HYAL1: variants seen among roughly 807,000 people sequenced by gnomAD.
HYAL1 encodes hyaluronidase-1.
Under a neutral mutation model 28.8 loss-of-function variants are expected in HYAL1, and 21 were observed. The ratio of observed to expected loss-of-function variants is 0.73; its 90% CI spans 0.52 to 1.05. The LOEUF is 1.05. Ranked by LOEUF, HYAL1 falls within the 50% of genes least tolerant of loss-of-function variation. The pLI is 0.00. For missense variants in HYAL1, 491 were observed against 579.2 expected, an observed-to-expected ratio of 0.85 and a Z score of 1.56; for synonymous variants, 200 against 230.1, an observed-to-expected ratio of 0.87 and a Z score of 1.18.
chr3:50,301,690 C>T (rs112140578), intron 2 of HYAL1, among the ~76,000 whole-genome samples: 200 of 149,222 alleles, frequency 1.3e-3, no homozygotes, highest in African/African-American at 4.7e-3. Flanking sequence ...CGGTGGCTCA[C>T]GCCTGTAATC....
In HYAL1 at chr3:50,302,945, G is replaced by T; in HGVS notation, c.12C>A (p.His4Gln). The change falls in exon 2 of 4, where the codon CAC becomes CAA. Residue 4 changes from histidine (H) to glutamine (Q), a missense_variant. By Grantham distance (24) the His-to-Gln change is conservative. Coordinates refer to ENST00000395144, the MANE Select transcript of HYAL1 (RefSeq NM_033159.4). This position sits in a 1 kb window ranked among gnomAD's most constrained non-coding sequence, Gnocchi z 5.0. The stretch of plus-strand genomic sequence containing the variant: ...GGAAGAGGGCGCAGATGGGAAGCAG[G>T]TGGGCTGCCATGGCACGGGACTGGT... Reference protein sequence around the residue: MAAHLLPICALFLT... With the variant: MAAQLLPICALFLT... The T allele has an allele frequency of 6.4e-7, 1 of 1,570,250 alleles. No homozygotes were observed. The highest frequency in any genetic ancestry group is 1.3e-5 in the African/African-American group (1 of 74,106).
upstream of HYAL1, among the ~76,000 whole-genome samples, chr3:50,305,238 G>GT (rs782267132): frequency 4.4e-4 from 66 of 149,652 alleles, no homozygotes; most frequent in African/African-American, 7.3e-4. Flanking sequence ...ATGTACTTCT[G>GT]TTTTTTTTTT....
rs1553712587 is a variant in HYAL1, at chr3:50,300,762, TGTA to T, written c.1026_1028del (p.Thr343del). 6.2e-7 allele frequency: 1 copy of T among 1,614,034 alleles called. No homozygotes were observed. Among genetic ancestry groups the T allele is most frequent in the South Asian group, 1.1e-5 (1 of 91,056 alleles). On this transcript the variant is annotated inframe_deletion, in exon 4 of 4. Transcript: ENST00000395144. ...TCACGTTCAGGATGAAGGGCCCCAG[TGTA>T]GTGTCCATATACTCCTTGATGGCCT... is the stretch of plus-strand genomic sequence containing the variant.
Position 50,302,451 on chromosome 3 carries a change from G to A in HYAL1, c.506C>T (p.Ala169Val), listed in dbSNP as rs782246036. The A allele has an allele frequency of 6.2e-7, 1 of 1,613,988 alleles. No homozygotes were observed. Among genetic ancestry groups the A allele is most frequent in the South Asian group, 1.1e-5 (1 of 91,090 alleles). The part of the protein sequence containing the change: ...HPDWPAPQVE[A>V]VAQDQFQGAA... ...TCCCTGGAACTGGTCCTGGGCTACT[G>A]CCTCCACCTGAGGAGCTGGCCAATC... The change falls in exon 2 of 4, where the codon GCA (alanine) becomes GTA (valine). Residue 169 changes from alanine (A) to valine (V), a missense_variant. Physicochemically the swap from Ala to Val is moderately conservative, Grantham distance 64. Transcript: ENST00000395144. This position sits in a 1 kb window ranked among gnomAD's most constrained non-coding sequence, Gnocchi z 5.0.
chr3:50,309,212 C>T (rs1332685029), intron 2 of HYAL1, among the ~76,000 whole-genome samples: 2 of 150,776 alleles, frequency 1.3e-5, no homozygotes, highest in African/African-American at 5.0e-5. Context: ...TCCTGTAATC[C>T]CAGCACTTTG....
chr3:50,303,590 TTC>T (rs1419352996), upstream of HYAL1: 6 of 152,338 alleles, frequency 3.9e-5, no homozygotes, highest in African/African-American at 1.4e-4. Flanking sequence ...CTGCTGGAAA[TTC>T]TGAGCTTTTG....
chr3:50,302,735 GA>G lies in HYAL1; in HGVS notation c.221del (p.Phe74SerfsTer29), dbSNP rs1450097579. 2 of 1,614,064 alleles carry G rather than the reference GA, an allele frequency of 1.2e-6. No individual in the cohort carries two copies. The highest frequency in any genetic ancestry group is 4.5e-5 in the East Asian group (2 of 44,886). On this transcript the variant is annotated frameshift_variant, in exon 2 of 4. Coordinates refer to ENST00000395144, the MANE Select transcript of HYAL1 (RefSeq NM_033159.4). LOFTEE classifies it high-confidence loss of function. This position sits in a 1 kb window ranked among gnomAD's most constrained non-coding sequence, Gnocchi z 5.0. ...GGTAGGTGCCCAGCTGGGAGCTATA[GA>G]AAATTGTCATGTCAGGGCCGCGGAA... Reference protein sequence around the residue: ...QTFRGPDMTIFYSSQLGTYPY... With the variant: ...QTFRGPDMTIXYSSQLGTYPY...
intron 1 of HYAL1, among the ~76,000 whole-genome samples, chr3:50,311,521 G>A (rs1419688622): frequency 1.0e-3 from 135 of 134,804 alleles, no homozygotes; most frequent in African/African-American, 2.7e-3. Flanking sequence ...AGGGGCGGCC[G>A]GGCAGAGGCG....
upstream of HYAL1, among the ~76,000 whole-genome samples, chr3:50,304,274 C>CAAAAAAAAAAA (rs1156334129): frequency 3.5e-3 from 10 of 2,896 alleles, 3 homozygotes; most frequent in East Asian, 0.016. Context: ...GACTCCATCT[C>CAAAAAAAAAAA]AAAAAAAAAA....
At chr3:50,311,979 G>T (rs1309763571) in intron 1 of HYAL1, among the ~76,000 whole-genome samples, 77 of 142,920 alleles carry the variant, frequency 5.4e-4, no homozygotes, top group Middle Eastern at 4.6e-3. Context: ...GGGCAGAGGC[G>T]CCCCTCATCT....
At chr3:50,307,403 G>T (rs587712650), upstream of HYAL1, among the ~76,000 whole-genome samples, 1 of 149,586 alleles carries the variant, frequency 6.7e-6, no homozygotes, top group Non-Finnish European at 1.5e-5. Context: ...AAATAGGGCC[G>T]GACGCAGTGG....
At chr3:50,311,907 C>G (rs1436760427) in intron 1 of HYAL1, among the ~76,000 whole-genome samples, 2 of 137,070 alleles carry the variant, frequency 1.5e-5, no homozygotes, top group Middle Eastern at 4.0e-3. Flanking sequence ...GATCCCCCCT[C>G]CCCTCACGGA....
chr3:50,304,296 A>AAAATAT (rs1553713686), upstream of HYAL1, among the ~76,000 whole-genome samples: 4 of 30,476 alleles, frequency 1.3e-4, no homozygotes, highest in African/African-American at 2.1e-4. Flanking sequence ...AAAAAAAAAA[A>AAAATAT]ATATATATAT....
At chr3:50,311,203 G>A (rs587595076) in intron 1 of HYAL1, among the ~76,000 whole-genome samples, 13 of 149,234 alleles carry the variant, frequency 8.7e-5, no homozygotes, top group East Asian at 2.0e-4. Flanking sequence ...CTCACCTCCC[G>A]GACGGGGTGG....
rs1553714550 is a variant in HYAL1, at chr3:50,310,145, T to G, written c.-309-368A>C. On this transcript the variant is annotated intron_variant, in intron 1 of 5. Coordinates refer to the HYAL1 transcript ENST00000320295. ...TTTGTTTGTTTGCTTCCAATTTTTA[T>G]GATTTTCTACAGTTTGGAATGAATT... is the stretch of plus-strand genomic sequence containing the variant. Among the ~76,000 whole-genome samples, 2 of 151,526 alleles carry G rather than the reference T, an allele frequency of 1.3e-5. 1 individual carries two copies. Among genetic ancestry groups the G allele is most frequent in the African/African-American group, 4.9e-5 (2 of 40,770 alleles).
upstream of HYAL1, chr3:50,303,643 C>T (rs781838559): frequency 9.2e-5 from 14 of 152,322 alleles, no homozygotes; most frequent in Non-Finnish European, 1.3e-4. Context: ...GGCCAAGGGG[C>T]GGGCCTTGGA....
intron 2 of HYAL1, among the ~76,000 whole-genome samples, chr3:50,301,341 C>T (rs922593174): frequency 6.6e-6 from 1 of 152,212 alleles, no homozygotes; most frequent in South Asian, 2.1e-4. Flanking sequence ...ATGCGCCAGG[C>T]GCGGTGGCTC....
At chr3:50,311,680 A>C (rs868949230) in intron 1 of HYAL1, among the ~76,000 whole-genome samples, 838 of 62,054 alleles carry the variant, frequency 0.014, 3 homozygotes, top group East Asian at 0.049. Context: ...CTGACCCCCC[A>C]ACCTCCCTCC....
chr3:50,301,229 A>G (rs782652911), intron 2 of HYAL1, 152 bp from the exon 3 acceptor site: 25 of 607,462 alleles, frequency 4.1e-5, no homozygotes, highest in Admixed American at 8.7e-5. Context: ...CCTCTAGCCT[A>G]TGAATTCCAT....
Sources: allele counts gnomAD v4.1 joint callset (sites outside exome capture counted in the v4.1 genomes callset), GRCh38; gene constraint gnomAD v4.1.1; non-coding constraint Gnocchi (gnomAD v3.1); transcripts MANE v1.5; gene names NCBI Gene and HGNC (gene_info 2026-07-23, HGNC 2026-07-21).